PAQR5: variants seen among roughly 807,000 people sequenced by gnomAD.
PAQR5 encodes the protein progestin and adipoQ receptor family member 5.
Under a neutral mutation model 34.5 loss-of-function variants are expected in PAQR5, and 20 were observed. The ratio of observed to expected loss-of-function variants is 0.58; its 90% CI spans 0.41 to 0.84. The LOEUF is 0.84. PAQR5 is among the 40% of genes least tolerant of loss of function. The probability of loss-of-function intolerance (pLI) is 0.00; values close to 1 mark genes in which losing one functional copy is unlikely to be tolerated. For synonymous variants in PAQR5, 131 were observed against 155.6 expected, an observed-to-expected ratio of 0.84 and a Z score of 1.18; for missense variants, 378 against 412.7, an observed-to-expected ratio of 0.92 and a Z score of 0.73.
At position 69,353,144 on chromosome 15, in the gene PAQR5, C is replaced by T. The variant is rs549863087; in HGVS notation, c.-115-6822C>T. On this transcript the variant is annotated intron_variant, in intron 2 of 8. Transcript: ENST00000395407. ...ACTGAGGCCAACCTGGCTACAACCA[C>T]TGCTGAGTGCCCATTCTGCCAGCAG... Among the ~76,000 whole-genome samples, 8 of 152,338 alleles carry T rather than the reference C, an allele frequency of 5.3e-5. No individual in the cohort carries two copies. The East Asian group carries it at 1.5e-3, about 29-fold the overall frequency.
chr15:69,338,237 G>A (rs1345127874), intron 2 of PAQR5, among the ~76,000 whole-genome samples: 2 of 151,976 alleles, frequency 1.3e-5, no homozygotes, highest in South Asian at 2.1e-4. Context: ...CTGCCTAGTG[G>A]CAAAATTATG....
intron 1 of PAQR5, among the ~76,000 whole-genome samples, chr15:69,331,147 C>T (rs1021678923): frequency 2.0e-5 from 3 of 152,136 alleles, no homozygotes; most frequent in African/African-American, 7.2e-5. Flanking sequence ...CTGTCTGTAG[C>T]CCCATTGTGG....
At chr15:69,318,167 C>T (rs2053998188) in intron 1 of PAQR5, among the ~76,000 whole-genome samples, 1 of 152,232 alleles carries the variant, frequency 6.6e-6, no homozygotes, top group South Asian at 2.1e-4. Context: ...CCCAGCCAGC[C>T]TGAGCTGCAG....
chr15:69,316,270 G>A lies in PAQR5; in HGVS notation c.-277+17214G>A, dbSNP rs144223895. 4.6e-5 allele frequency among the ~76,000 whole-genome samples: 7 copies of A among 152,196 alleles called. No individual in the cohort carries two copies. In the South Asian group the frequency reaches 6.2e-4, roughly 14 times the overall value. ...TAGTTTTTGTATTTTCAGTAGAGCC[G>A]GGGTTTTGCCATGTTGGCTAGGCTG... On this transcript the variant is annotated intron_variant, in intron 1 of 8. Transcript: ENST00000395407.
chr15:69,352,793 A>G (rs916652520), intron 2 of PAQR5, among the ~76,000 whole-genome samples: 6 of 152,192 alleles, frequency 3.9e-5, no homozygotes, highest in Non-Finnish European at 8.8e-5. Context: ...GCTGTAGCCA[A>G]TGGTTTGGCT....
intron 1 of PAQR5, among the ~76,000 whole-genome samples, chr15:69,336,719 A>G (rs905550885): frequency 1.3e-5 from 2 of 152,224 alleles, no homozygotes; most frequent in East Asian, 3.8e-4. Context: ...TAGAATAGAC[A>G]GAAAACTTTC....
chr15:69,386,676 G>A (rs1451801373), intron 5 of PAQR5, among the ~76,000 whole-genome samples: 2 of 151,674 alleles, frequency 1.3e-5, no homozygotes, highest in Non-Finnish European at 2.9e-5. Context: ...CACATGGGTG[G>A]GGAGGCTCAG....
intron 5 of PAQR5, among the ~76,000 whole-genome samples, chr15:69,386,154 TACAC>T (rs1025505888): frequency 4.7e-5 from 7 of 150,164 alleles, no homozygotes; most frequent in African/African-American, 1.7e-4. Context: ...TCACACCACA[TACAC>T]ACTCACATGC....
intron 1 of PAQR5, among the ~76,000 whole-genome samples, chr15:69,321,042 C>T (rs2054084185): frequency 6.6e-6 from 1 of 152,158 alleles, no homozygotes; most frequent in Non-Finnish European, 1.5e-5. Flanking sequence ...TAAAGCATTT[C>T]CGATTTGCCT....
At chr15:69,315,813 C>G (rs1267268446) in intron 1 of PAQR5, among the ~76,000 whole-genome samples, 1 of 152,154 alleles carries the variant, frequency 6.6e-6, no homozygotes, top group Non-Finnish European at 1.5e-5. Flanking sequence ...CAGGGACTAC[C>G]TGGGTTTAGG....
Position 69,389,683 on chromosome 15 carries a change from T to C in PAQR5, c.415T>C (p.Phe139Leu). ...GSAIAYSAYT[F>L]PDALMCTTFH... Reference sequence around the variant, plus strand: ...AGCCATTGCCTACTCTGCATACACGTTCCCGGATGCGCTCATGTGCACCAC... The same window carrying C: ...AGCCATTGCCTACTCTGCATACACGCTCCCGGATGCGCTCATGTGCACCAC... The change falls in exon 6 of 9, where the codon TTC (phenylalanine) becomes CTC (leucine). Residue 139 changes from phenylalanine (F) to leucine (L), a missense_variant. Transcript: ENST00000395407. The C allele has an allele frequency of 6.2e-7, 1 of 1,614,170 alleles. No individual in the cohort carries two copies. The highest frequency in any genetic ancestry group is 8.5e-7 in the Non-Finnish European group (1 of 1,180,000).
At chr15:69,397,073 C>T in intron 6 of PAQR5, 2 of 426,360 alleles carry the variant, frequency 4.7e-6, no homozygotes, top group Non-Finnish European at 9.4e-6. Context: ...AGAGTGTGCC[C>T]CCCAAGAGTC....
At position 69,405,643 on chromosome 15, in the gene PAQR5, C is replaced by T. The variant is rs907321037; in HGVS notation, c.*1821C>T. The T allele has an allele frequency of 1.3e-5, 2 of 152,092 alleles. No individual in the cohort carries two copies. The highest frequency in any genetic ancestry group is 1.9e-4 in the East Asian group (1 of 5,190). The allele number at this position is 152,092 out of a possible 1,614,324, so 9.4% of individuals were successfully genotyped here. ...AAAAAAAGGTACAAAGTTTAAATACCCCTTTCTAGTAATGCCAAAGACATA... is the reference window on the plus strand; with the variant it reads ...AAAAAAAGGTACAAAGTTTAAATACTCCTTTCTAGTAATGCCAAAGACATA... On this transcript the variant is annotated 3_prime_UTR_variant, in exon 9 of 9. Coordinates refer to ENST00000395407, the MANE Select transcript of PAQR5 (RefSeq NM_017705.4).
At chr15:69,341,015 G>A (rs1347000874) in intron 2 of PAQR5, among the ~76,000 whole-genome samples, 3 of 152,056 alleles carry the variant, frequency 2.0e-5, no homozygotes, top group African/African-American at 4.8e-5. Flanking sequence ...TAAAATATAC[G>A]TAACATAAAA....
At chr15:69,380,136 ACACG>A (rs2140916615) in intron 4 of PAQR5, 126 bp downstream of exon 4, 1 of 1,010,102 alleles carries the variant, frequency 9.9e-7, no homozygotes, top group East Asian at 2.4e-5. Context: ...CCCCGTGGGT[ACACG>A]CGGGTGAAGG....
chr15:69,339,462 T>C (rs2140721327), intron 2 of PAQR5, among the ~76,000 whole-genome samples: 1 of 152,216 alleles, frequency 6.6e-6, no homozygotes, highest in Middle Eastern at 3.4e-3. Context: ...TTGTTGTTTC[T>C]GGGTCTTTTT....
chr15:69,380,182 G>A lies in PAQR5; in HGVS notation c.179+172G>A, dbSNP rs1431074529. The A allele has an allele frequency of 4.4e-6, 3 of 684,610 alleles. No individual in the cohort carries two copies. The East Asian group carries it at 7.8e-5, about 18-fold the overall frequency. 42.4% of individuals were successfully genotyped at this position (684,610 alleles called of 1,614,324 possible). A position where few individuals can be genotyped will look rare whatever the true frequency, so the allele number is the denominator to read the frequency against. ...GTGACAGAGGGAAGAGACATTGGGT[G>A]TGCCACTGGGATGACCTTTAAGGCA... On this transcript the variant is annotated intron_variant, in intron 4 of 8. Transcript: ENST00000395407.
intron 2 of PAQR5, 142 bp from the exon 3 acceptor site, chr15:69,359,824 C>A: frequency 4.5e-6 from 2 of 445,596 alleles, no homozygotes; most frequent in Non-Finnish European, 8.1e-6. Flanking sequence ...GCAGTCTGAT[C>A]ATTTTGCTGT....
chr15:69,322,760 A>C (rs375297021), intron 1 of PAQR5, among the ~76,000 whole-genome samples: 961 of 42,098 alleles, frequency 0.023, 208 homozygotes, highest in African/African-American at 0.043. Context: ...AAGAAGAAGA[A>C]GAAGAAGAAG....
Sources: allele counts gnomAD v4.1 joint callset (sites outside exome capture counted in the v4.1 genomes callset), GRCh38; gene constraint gnomAD v4.1.1; transcripts MANE v1.5; gene names NCBI Gene and HGNC (gene_info 2026-07-23, HGNC 2026-07-21).